Variants in CCDC30 observed in about 807,000 individuals in gnomAD.
CCDC30 encodes the protein coiled-coil domain containing 30.
Under a neutral mutation model 100.2 loss-of-function variants are expected in CCDC30, and 70 were observed. The observed-to-expected ratio is 0.70, with a 90% CI of 0.58 to 0.85. The LOEUF (loss-of-function observed/expected upper bound fraction) is 0.85, where lower values mean the gene tolerates loss of function less well. CCDC30 is among the 40% of genes least tolerant of loss of function. The probability of loss-of-function intolerance (pLI) is 0.00; values close to 1 mark genes in which losing one functional copy is unlikely to be tolerated. For missense variants in CCDC30, 652 were observed against 771.2 expected, an observed-to-expected ratio of 0.85 and a Z score of 1.83; for synonymous variants, 233 against 269.5, an observed-to-expected ratio of 0.86 and a Z score of 1.33.
exon 9 of CCDC30, chr1:42,581,367 A>G: frequency 6.3e-7 from 1 of 1,597,294 alleles, no homozygotes; most frequent in Non-Finnish European, 8.5e-7. Flanking sequence ...AAGATTTTGG[A>G]CCTGCAGCGG....
rs1414110632 is a variant in CCDC30 at position 42,644,301 on chromosome 1, G to T, written c.1557-392G>T. Among the ~76,000 whole-genome samples, 8 of 152,294 alleles carry T rather than the reference G, an allele frequency of 5.3e-5. No homozygotes were observed. The East Asian group carries it at 1.5e-3, about 29-fold the overall frequency. Reference sequence around the variant, plus strand: ...AGGGCAGGAAGCATCCAGCATGGGAGAAAGATGTAAACTGGGAGGAGAGGC... The same window carrying T: ...AGGGCAGGAAGCATCCAGCATGGGATAAAGATGTAAACTGGGAGGAGAGGC... On this transcript the variant is annotated intron_variant, in intron 13 of 16. Coordinates refer to ENST00000668663, the Ensembl canonical transcript of CCDC30.
At chr1:42,495,412 T>C (rs1644216403) in intron 4 of CCDC30, among the ~76,000 whole-genome samples, 1 of 151,948 alleles carries the variant, frequency 6.6e-6, no homozygotes, top group Non-Finnish European at 1.5e-5. Context: ...TGCTAGATGC[T>C]GAGTTAGTGG....
At chr1:42,547,168 G>C (rs969267831) in intron 6 of CCDC30, among the ~76,000 whole-genome samples, 2 of 152,190 alleles carry the variant, frequency 1.3e-5, no homozygotes, top group Middle Eastern at 3.4e-3. Context: ...ATGGGGAAGG[G>C]GTATGATAAT....
At chr1:42,500,418 T>C in intron 6 of CCDC30, 1 of 898,408 alleles carries the variant, frequency 1.1e-6, no homozygotes, top group Non-Finnish European at 1.8e-6. Flanking sequence ...CCGAGTTCTC[T>C]CTTTTTTTTT....
intron 6 of CCDC30, among the ~76,000 whole-genome samples, chr1:42,538,632 A>T (rs1644955328): frequency 6.6e-6 from 1 of 152,156 alleles, no homozygotes; most frequent in Non-Finnish European, 1.5e-5. Flanking sequence ...TTTTTTAAAA[A>T]ACCACAGAGT....
intron 6 of CCDC30, among the ~76,000 whole-genome samples, chr1:42,544,744 C>A (rs1382344277): frequency 6.6e-6 from 1 of 152,046 alleles, no homozygotes; most frequent in Non-Finnish European, 1.5e-5. Context: ...TGGACTCAAG[C>A]AATCTGCCTG....
Position 42,632,486 on chromosome 1 carries a change from G to A in CCDC30, c.1278-4751G>A, listed in dbSNP as rs72967288. Among the ~76,000 whole-genome samples, 1,053 of 151,830 alleles carry A rather than the reference G, an allele frequency of 6.9e-3. 12 individuals carry two copies. The highest frequency in any genetic ancestry group is 0.023 in the African/African-American group (945 of 41,414). On this transcript the variant is annotated intron_variant, in intron 11 of 16. Coordinates refer to ENST00000668663, the Ensembl canonical transcript of CCDC30. ...TACCTTAAAATAAGTAAATAAGGCC[G>A]GGGGCGGTAGCTCACGACTGTAATC...
At position 42,472,265 on chromosome 1, in the gene CCDC30, ATAGT is replaced by A. The variant is rs752709559; in HGVS notation, c.-91-8191_-91-8188del. ...TAGACTCCATCTCAAAGAAAAAAAA[ATAGT>A]TAGTGGCTCTAGTAACACAGATATC... On this transcript the variant is annotated intron_variant, in intron 1 of 16. Transcript: ENST00000668663. 4.6e-5 allele frequency among the ~76,000 whole-genome samples: 7 copies of A among 152,280 alleles called. No homozygotes were observed. In the East Asian group the frequency reaches 5.8e-4, roughly 13 times the overall value.
At chr1:42,485,163 C>T (rs1569767416) in intron 3 of CCDC30, among the ~76,000 whole-genome samples, 1 of 152,096 alleles carries the variant, frequency 6.6e-6, no homozygotes, top group South Asian at 2.1e-4. Context: ...CTACCTTACA[C>T]CTACACAAAA....
intron 6 of CCDC30, among the ~76,000 whole-genome samples, chr1:42,531,809 AT>A (rs1644810379): frequency 6.6e-6 from 1 of 152,214 alleles, no homozygotes; most frequent in Non-Finnish European, 1.5e-5. Flanking sequence ...ACCCTGTCAA[AT>A]ACAGATAGAA....
chr1:42,634,900 C>T (rs1378652056), intron 11 of CCDC30, among the ~76,000 whole-genome samples: 1 of 152,150 alleles, frequency 6.6e-6, no homozygotes, highest in African/African-American at 2.4e-5. Context: ...CTTTCTTTCT[C>T]TCTAAATTTG....
At chr1:42,581,050 G>A (rs1471265894) in intron 8 of CCDC30, 1 of 370,062 alleles carries the variant, frequency 2.7e-6, no homozygotes, top group African/African-American at 2.1e-5. Context: ...ATGTTGCCCA[G>A]GCTGGTCTCG....
intron 6 of CCDC30, chr1:42,500,400 G>A: frequency 9.6e-7 from 1 of 1,044,170 alleles, no homozygotes; most frequent in Non-Finnish European, 1.5e-6. Flanking sequence ...TCTGCGCAGT[G>A]GCCACCACCG....
At chr1:42,540,674 CAT>C (rs373190337) in intron 6 of CCDC30, among the ~76,000 whole-genome samples, 1 of 117,726 alleles carries the variant, frequency 8.5e-6, no homozygotes, top group East Asian at 3.6e-4. Flanking sequence ...CACACATACA[CAT>C]ACACACACAC....
intron 11 of CCDC30, among the ~76,000 whole-genome samples, chr1:42,636,103 A>C (rs954933612): frequency 3.9e-5 from 6 of 152,030 alleles, no homozygotes; most frequent in Non-Finnish European, 7.4e-5. Flanking sequence ...CAGAGTCTTG[A>C]AAGTGACCTA....
intron 6 of CCDC30, among the ~76,000 whole-genome samples, chr1:42,566,060 T>C (rs955422474): frequency 2.6e-4 from 39 of 152,208 alleles, no homozygotes; most frequent in South Asian, 4.1e-4. Flanking sequence ...TGTGCCTAAC[T>C]GCTTTTGTTA....
chr1:42,465,358 TTTTTGTTTTG>T (rs201302325), intron 1 of CCDC30, among the ~76,000 whole-genome samples: 1 of 150,384 alleles, frequency 6.6e-6, no homozygotes, highest in East Asian at 1.9e-4. Flanking sequence ...TTTGTTTTTG[TTTTTGTTTTG>T]TTTTGTTTTG....
At chr1:42,480,591 T>A in intron 2 of CCDC30, 25 bp downstream of exon 2, 1 of 984,924 alleles carries the variant, frequency 1.0e-6, no homozygotes, top group African/African-American at 1.7e-5. Context: ...CCAGGCAAAA[T>A]GACATTTTTG....
At chr1:42,583,062 A>G (rs1424716196) in intron 9 of CCDC30, among the ~76,000 whole-genome samples, 1 of 152,184 alleles carries the variant, frequency 6.6e-6, no homozygotes, top group Non-Finnish European at 1.5e-5. Flanking sequence ...TTAGGGCACA[A>G]AAAAATTATT....
Sources: allele counts gnomAD v4.1 joint callset (sites outside exome capture counted in the v4.1 genomes callset), GRCh38; gene constraint gnomAD v4.1.1; transcripts MANE v1.5; gene names NCBI Gene and HGNC (gene_info 2026-07-23, HGNC 2026-07-21).